Variants in ADGRF1 observed in about 807,000 individuals in gnomAD.
ADGRF1 encodes the protein G protein-coupled receptor 110.
Under a neutral mutation model 87.2 loss-of-function variants are expected in ADGRF1, and 85 were observed. The observed-to-expected ratio is 0.97, with a 90% CI of 0.82 to 1.17. The LOEUF (loss-of-function observed/expected upper bound fraction) is 1.17. ADGRF1 is among the 50% of genes most tolerant of loss of function. ADGRF1 has a pLI of 0.00. For missense variants in ADGRF1, 1,169 were observed against 1,077.2 expected, an observed-to-expected ratio of 1.09 and a Z score of -1.19; for synonymous variants, 430 against 408.8, an observed-to-expected ratio of 1.05 and a Z score of -0.63.
chr6:47,032,969 A>G (rs1471777415), intron 1 of ADGRF1, among the ~76,000 whole-genome samples: 5 of 152,252 alleles, frequency 3.3e-5, no homozygotes, highest in Non-Finnish European at 5.9e-5. Flanking sequence ...CAGGGTCATC[A>G]TAAATCCCTC....
At chr6:47,020,664 A>G (rs1582166637) in intron 7 of ADGRF1, 67 bp downstream of exon 7, 2 of 1,592,200 alleles carry the variant, frequency 1.3e-6, no homozygotes, top group Admixed American at 3.3e-5. Context: ...TAAAAACAGC[A>G]CTCTGCCTTT....
intron 13 of ADGRF1, among the ~76,000 whole-genome samples, chr6:47,002,801 G>A (rs1006736612): frequency 3.9e-5 from 6 of 152,088 alleles, no homozygotes; most frequent in African/African-American, 7.2e-5. Flanking sequence ...GTCAAGACAG[G>A]GGCCTGAGCA....
chr6:47,039,074 C>G (rs953562765), intron 1 of ADGRF1, among the ~76,000 whole-genome samples: 3 of 152,070 alleles, frequency 2.0e-5, no homozygotes, highest in Non-Finnish European at 4.4e-5. Flanking sequence ...TAATAAATAT[C>G]TGCTTATCCC....
rs1351702438 is a variant in ADGRF1 at position 47,012,718 on chromosome 6, A to C, written c.928-523T>G. The stretch of plus-strand genomic sequence containing the variant: ...AAGATGGGAAGAGAGAGAAACATAC[A>C]TGGAGATTTGACTACTGGGCTTGTG... On this transcript the variant is annotated intron_variant, in intron 9 of 14. Transcript: ENST00000371253. The C allele has an allele frequency of 5.1e-6, 5 of 985,432 alleles. No homozygotes were observed. In the East Asian group the frequency reaches 4.5e-4, roughly 89 times the overall value. The allele number at this position is 985,432 out of a possible 1,614,324, so 61.0% of individuals were successfully genotyped here.
intron 1 of ADGRF1, among the ~76,000 whole-genome samples, chr6:47,040,397 G>A (rs900132850): frequency 2.0e-5 from 3 of 152,082 alleles, no homozygotes; most frequent in Admixed American, 6.5e-5. Context: ...GCGTGAACCC[G>A]GGAGGTGGAG....
At position 47,009,913 on chromosome 6, in the gene ADGRF1, T is replaced by C; in HGVS notation, c.1522A>G (p.Thr508Ala). The C allele has an allele frequency of 6.2e-7, 1 of 1,614,140 alleles. No individual in the cohort carries two copies. The highest frequency in any genetic ancestry group is 8.5e-7 in the Non-Finnish European group (1 of 1,180,010). Reference protein sequence around the residue: ...NAQVNGPVISTVIQNYSINEV... With the variant: ...NAQVNGPVISAVIQNYSINEV... ...TTTATGGAATAGTTTTGAATAACCGTGGATATCACAGGTCCATTGACCTGA... is the reference window on the plus strand; with the variant it reads ...TTTATGGAATAGTTTTGAATAACCGCGGATATCACAGGTCCATTGACCTGA... Residue 508 changes from threonine to alanine, a missense_variant, in exon 11 of 15, where the codon ACG becomes GCG. Transcript: ENST00000371253.
chr6:47,036,596 T>C (rs1012857115), intron 1 of ADGRF1, among the ~76,000 whole-genome samples: 2 of 152,190 alleles, frequency 1.3e-5, no homozygotes, highest in African/African-American at 4.8e-5. Context: ...GGGTGATCTG[T>C]TTTAAATAGG....
chr6:47,000,185 T>C lies in ADGRF1; in HGVS notation c.*37A>G. On this transcript the variant is annotated 3_prime_UTR_variant, in exon 15 of 15. Transcript: ENST00000371253. ...ACATTTGTCTCTAAATGTCAAGTTG[T>C]TCTGGAAATTTTTTCTTGATTTTAT... 2 of 1,477,638 alleles carry C rather than the reference T, an allele frequency of 1.4e-6. No homozygotes were observed. The highest frequency in any genetic ancestry group is 1.9e-6 in the Non-Finnish European group (2 of 1,060,198). The allele number at this position is 1,477,638 out of a possible 1,614,324, so 91.5% of individuals were successfully genotyped here. A position where few individuals can be genotyped will look rare whatever the true frequency, so the allele number is the denominator to read the frequency against.
At chr6:47,007,362 G>A in intron 11 of ADGRF1, 68 bp from the exon 12 acceptor site, 1 of 921,072 alleles carries the variant, frequency 1.1e-6, no homozygotes. Context: ...GCATTTATAT[G>A]TAACACTATT....
intron 7 of ADGRF1, chr6:47,018,971 G>C (rs1454743885): frequency 5.9e-6 from 1 of 170,166 alleles, no homozygotes; most frequent in South Asian, 1.4e-4. Flanking sequence ...CTAGCTACCA[G>C]GGAGGCATAG....
At chr6:47,013,628 T>G (rs1283496324) in intron 9 of ADGRF1, 1 of 985,304 alleles carries the variant, frequency 1.0e-6, no homozygotes, top group African/African-American at 1.7e-5. Context: ...TACTTGAACC[T>G]TCCTAAGAGA....
intron 7 of ADGRF1, chr6:47,020,172 C>A (rs1780002364): frequency 8.7e-7 from 1 of 1,152,244 alleles, no homozygotes; most frequent in Non-Finnish European, 1.1e-6. Flanking sequence ...TACTCACTGA[C>A]CCACAGTTTT....
intron 5 of ADGRF1, among the ~76,000 whole-genome samples, chr6:47,022,689 C>T (rs1174565021): frequency 2.0e-5 from 3 of 152,096 alleles, no homozygotes; most frequent in South Asian, 2.1e-4. Context: ...CACATCTCCA[C>T]GGTACTGTGG....
Position 47,010,055 on chromosome 6 carries a change from G to A in ADGRF1, c.1380C>T (p.Ile460=), listed in dbSNP as rs1254505089. ...KMCPQNTSIP[I]RGRVLIGSDQ... ...CTGACCCAATTAACACACGGCCTCTGATGGGAATAGATGTATTTTGGGGAC... is the reference window on the plus strand; with the variant it reads ...CTGACCCAATTAACACACGGCCTCTAATGGGAATAGATGTATTTTGGGGAC... The change falls in exon 11 of 15, where the codon ATC becomes ATT. Residue 460 remains isoleucine (I), a synonymous_variant. Transcript: ENST00000371253. The A allele has an allele frequency of 5.0e-6, 8 of 1,613,994 alleles. No individual in the cohort carries two copies. Among genetic ancestry groups the A allele is most frequent in the Non-Finnish European group, 5.9e-6 (7 of 1,180,024 alleles).
chr6:47,000,723 C>T (rs1319802538), intron 14 of ADGRF1, among the ~76,000 whole-genome samples: 4 of 152,170 alleles, frequency 2.6e-5, no homozygotes, highest in Admixed American at 6.5e-5. Context: ...ATTCTCCAGA[C>T]ACTTGAACTT....
intron 8 of ADGRF1, among the ~76,000 whole-genome samples, 194 bp from the exon 9 acceptor site, chr6:47,015,038 C>G (rs1359923884): frequency 6.6e-6 from 1 of 152,136 alleles, no homozygotes; most frequent in African/African-American, 2.4e-5. Context: ...ATTCCTGATG[C>G]CTTACCCTCC....
intron 14 of ADGRF1, among the ~76,000 whole-genome samples, chr6:47,001,005 G>T (rs1455118031): frequency 6.6e-6 from 1 of 152,368 alleles, no homozygotes; most frequent in African/African-American, 2.4e-5. Context: ...TAGGGCCAGT[G>T]CATGTCACAG....
At position 47,009,147 on chromosome 6, in the gene ADGRF1, A is replaced by G. The variant is rs549501321; in HGVS notation, c.2288T>C (p.Leu763Pro). The change falls in exon 11 of 15, where the codon CTG (leucine) becomes CCG (proline). Residue 763 changes from leucine (L) to proline (P), a missense_variant. Leu to Pro is a moderately conservative substitution (Grantham distance 98). Coordinates refer to ENST00000371253, the MANE Select transcript of ADGRF1 (RefSeq NM_153840.4). ...AIVAVNFVVV[L>P]LVLTKLWRPT... is the part of the protein sequence containing the mutation. ...CCTCCAGAGCTTTGTGAGAACTAGC[A>G]GCACCACAACGAAGTTCACAGCCAC... The G allele has an allele frequency of 6.2e-7, 1 of 1,614,178 alleles. No homozygotes were observed. Among genetic ancestry groups the G allele is most frequent in the African/African-American group, 1.3e-5 (1 of 75,050 alleles).
chr6:47,016,499 A>T, intron 8 of ADGRF1, 118 bp downstream of exon 8: 1 of 1,139,428 alleles, frequency 8.8e-7, no homozygotes, highest in Admixed American at 2.7e-5. Context: ...TTGTGCTGAA[A>T]GGCAGTTAGA....
Sources: gnomAD v4.1 joint callset for allele counts (sites outside exome capture counted in the v4.1 genomes callset) on GRCh38, gnomAD v4.1.1 for gene constraint, MANE v1.5 for transcripts, NCBI Gene and HGNC (gene_info 2026-07-23, HGNC 2026-07-21) for gene names.